RNF38: variants seen among roughly 807,000 people sequenced by gnomAD.
RNF38 encodes the protein ring finger protein 38.
A neutral mutation model predicts 67.2 loss-of-function variants in RNF38; 15 were observed. The observed-to-expected ratio is 0.22, with a 90% confidence interval of 0.15 to 0.34. The LOEUF (loss-of-function observed/expected upper bound fraction) is 0.34. RNF38 is among the 10% of genes least tolerant of loss of function. The probability of loss-of-function intolerance (pLI) is 1.00; values close to 1 mark genes in which losing one functional copy is unlikely to be tolerated. For synonymous variants in RNF38, 220 were observed against 218.8 expected (o/e 1.01, Z -0.05); for missense variants, 524 against 639.9 (o/e 0.82, Z 1.95).
Position 36,394,010 on chromosome 9 carries a change from C to A in RNF38, c.13-3394G>T, listed in dbSNP as rs556858557. On this transcript the variant is annotated intron_variant, in intron 1 of 11. Transcript: ENST00000259605. Reference sequence around the variant, plus strand: ...CACAGCTCTGGGCCGGGTACAGTGGCTCACGCCTGTAATCCCAGCACTTTG... The same window carrying A: ...CACAGCTCTGGGCCGGGTACAGTGGATCACGCCTGTAATCCCAGCACTTTG... Among the ~76,000 whole-genome samples, 72 of 152,306 alleles carry A rather than the reference C, an allele frequency of 4.7e-4. 1 individual carries two copies. The East Asian group carries it at 0.013, about 27-fold the overall frequency.
intron 1 of RNF38, among the ~76,000 whole-genome samples, chr9:36,428,273 G>A (rs1469132575): frequency 6.6e-6 from 1 of 151,692 alleles, no homozygotes; most frequent in Non-Finnish European, 1.5e-5. Flanking sequence ...AAAATTAGCT[G>A]GGCATGGTGG....
intron 1 of RNF38, among the ~76,000 whole-genome samples, chr9:36,477,083 G>A (rs886146093): frequency 2.0e-5 from 3 of 152,066 alleles, no homozygotes; most frequent in African/African-American, 7.2e-5. Flanking sequence ...CAGCACTTTG[G>A]GGGGCTGAGG....
At chr9:36,429,064 C>G (rs1228680195) in intron 1 of RNF38, among the ~76,000 whole-genome samples, 2 of 152,196 alleles carry the variant, frequency 1.3e-5, no homozygotes, top group African/African-American at 4.8e-5. Flanking sequence ...AAGGTCCCTG[C>G]TCTTCATGAA....
chr9:36,485,583 CT>C (rs1272341562), intron 1 of RNF38, among the ~76,000 whole-genome samples: 3 of 152,146 alleles, frequency 2.0e-5, no homozygotes, highest in Non-Finnish European at 4.4e-5. Context: ...CATTTTCTTG[CT>C]TTTAAGTATA....
chr9:36,379,593 C>A (rs1239987651), intron 2 of RNF38, among the ~76,000 whole-genome samples: 1 of 152,102 alleles, frequency 6.6e-6, no homozygotes, highest in East Asian at 1.9e-4. Context: ...GTGCTCACAA[C>A]CTTCCCTATC....
intron 4 of RNF38, among the ~76,000 whole-genome samples, chr9:36,359,065 C>T (rs750052974): frequency 2.6e-5 from 4 of 152,070 alleles, no homozygotes; most frequent in South Asian, 2.1e-4. Flanking sequence ...GAGGCCAAGG[C>T]GGAAGCTTTG....
chr9:36,400,614 T>TC, upstream of RNF38: 2 of 985,814 alleles, frequency 2.0e-6, no homozygotes, highest in Non-Finnish European at 2.4e-6. Context: ...GGCCGCCGCC[T>TC]CCTATTGTGA....
chr9:36,407,293 C>T (rs1838206218), intron 2 of RNF38, among the ~76,000 whole-genome samples: 1 of 152,148 alleles, frequency 6.6e-6, no homozygotes, highest in African/African-American at 2.4e-5. Context: ...GCCACTTATC[C>T]AGCTTTGAGG....
At chr9:36,465,224 A>ATTC (rs1475200068) in intron 1 of RNF38, among the ~76,000 whole-genome samples, 1 of 152,250 alleles carries the variant, frequency 6.6e-6, no homozygotes, top group Non-Finnish European at 1.5e-5. Flanking sequence ...GGTTAAGCTT[A>ATTC]GAGTTCCATT....
chr9:36,376,385 G>T lies in RNF38; in HGVS notation c.163-258C>A, dbSNP rs146582800. Reference sequence around the variant, plus strand: ...AAAAACTCATTCTAAGGCAAATGAGGTAACGACATATAGGGTATAAAACAG... The same window carrying T: ...AAAAACTCATTCTAAGGCAAATGAGTTAACGACATATAGGGTATAAAACAG... On this transcript the variant is annotated intron_variant, in intron 2 of 11. Coordinates refer to ENST00000259605, the MANE Select transcript of RNF38 (RefSeq NM_022781.5). 5.4e-3 allele frequency among the ~76,000 whole-genome samples: 822 copies of T among 152,242 alleles called. 5 individuals carry two copies. Among genetic ancestry groups the T allele is most frequent in the African/African-American group, 0.019 (788 of 41,538 alleles).
intron 2 of RNF38, among the ~76,000 whole-genome samples, chr9:36,378,233 G>C (rs1835926308): frequency 7.0e-6 from 1 of 143,352 alleles, no homozygotes; most frequent in South Asian, 2.2e-4. Flanking sequence ...CTGGAGTTCA[G>C]TGACGCCATC....
intron 2 of RNF38, among the ~76,000 whole-genome samples, chr9:36,390,120 T>A (rs1309609356): frequency 6.6e-6 from 1 of 152,208 alleles, no homozygotes; most frequent in African/African-American, 2.4e-5. Flanking sequence ...AGTGAACATC[T>A]TACATGCTTT....
intron 9 of RNF38, among the ~76,000 whole-genome samples, chr9:36,347,515 T>C (rs1156828178): frequency 6.6e-6 from 1 of 152,246 alleles, no homozygotes; most frequent in South Asian, 2.1e-4. Flanking sequence ...ATATCTGCTA[T>C]AATGATCTCT....
intron 1 of RNF38, among the ~76,000 whole-genome samples, chr9:36,449,747 C>A (rs1839392892): frequency 6.6e-6 from 1 of 152,078 alleles, no homozygotes; most frequent in Non-Finnish European, 1.5e-5. Context: ...GACCTTATCT[C>A]GTAAACAACA....
Position 36,352,729 on chromosome 9 carries a change from A to C in RNF38, c.1178+13T>G, listed in dbSNP as rs1408548556. On this transcript the variant is annotated intron_variant, in intron 8 of 11. Coordinates refer to ENST00000259605, the MANE Select transcript of RNF38 (RefSeq NM_022781.5). ...TCAAAATTCAGAAATCATTAAGATAAGAAAGAACTTACAACACATATGGCA... is the reference window on the plus strand; with the variant it reads ...TCAAAATTCAGAAATCATTAAGATACGAAAGAACTTACAACACATATGGCA... 1.9e-6 allele frequency: 3 copies of C among 1,564,828 alleles called. No homozygotes were observed. The highest frequency in any genetic ancestry group is 2.6e-6 in the Non-Finnish European group (3 of 1,135,238).
intron 1 of RNF38, among the ~76,000 whole-genome samples, chr9:36,478,403 CAA>C (rs566516265): frequency 0.032 from 2,344 of 72,182 alleles, 38 homozygotes; most frequent in African/African-American, 0.12. Flanking sequence ...GACTCCGTCT[CAA>C]AAAAAAAAAA....
intron 1 of RNF38, among the ~76,000 whole-genome samples, chr9:36,474,330 G>C (rs1351263962): frequency 6.8e-6 from 1 of 147,366 alleles, no homozygotes; most frequent in Non-Finnish European, 1.5e-5. Flanking sequence ...AGAAACCCTA[G>C]CATAGTAATT....
intron 2 of RNF38, among the ~76,000 whole-genome samples, chr9:36,389,119 T>C (rs1182550792): frequency 6.6e-6 from 1 of 152,014 alleles, no homozygotes; most frequent in African/African-American, 2.4e-5. Context: ...GAGGGCTTTG[T>C]TCTAAGGTTC....
At chr9:36,360,079 C>T (rs1834412031) in intron 4 of RNF38, among the ~76,000 whole-genome samples, 1 of 151,976 alleles carries the variant, frequency 6.6e-6, no homozygotes. Context: ...AAACATTATG[C>T]CATTACGTTG....
Sources: gnomAD v4.1 joint callset for allele counts (sites outside exome capture counted in the v4.1 genomes callset) on GRCh38, gnomAD v4.1.1 for gene constraint, MANE v1.5 for transcripts, NCBI Gene and HGNC (gene_info 2026-07-23, HGNC 2026-07-21) for gene names.